PLCD1: variants seen among roughly 807,000 people sequenced by gnomAD.
PLCD1 encodes 1-phosphatidylinositol 4,5-bisphosphate phosphodiesterase delta-1.
A neutral mutation model predicts 87.4 loss-of-function variants in PLCD1; 71 were observed. The observed-to-expected ratio is 0.81, with a 90% CI of 0.67 to 0.99. The LOEUF (loss-of-function observed/expected upper bound fraction) is 0.99, where lower values mean the gene tolerates loss of function less well. PLCD1 is among the 50% of genes least tolerant of loss of function. The pLI is 0.00. For synonymous variants in PLCD1, 348 were observed against 399.2 expected (o/e 0.87, Z 1.53); for missense variants, 867 against 1,001.5 (o/e 0.87, Z 1.81).
At chr3:38,029,467 C>T (rs1286143371) in intron 1 of PLCD1, 39 bp downstream of exon 1, 1 of 1,530,220 alleles carries the variant, frequency 6.5e-7, no homozygotes, top group African/African-American at 1.4e-5. Flanking sequence ...AGGGGTCCAC[C>T]CCTGCAGGGT....
rs1050868 is a variant in PLCD1 at position 38,009,115 on chromosome 3, G to A, written c.1650C>T (p.Ile550=). 2 of 1,614,050 alleles carry A rather than the reference G, an allele frequency of 1.2e-6. No individual in the cohort carries two copies. The highest frequency in any genetic ancestry group is 1.7e-6 in the Non-Finnish European group (2 of 1,180,032). Residue 550 remains isoleucine, a synonymous_variant, in exon 11 of 15, where the codon ATC becomes ATT. Coordinates refer to ENST00000334661, the MANE Select transcript of PLCD1 (RefSeq NM_006225.4). ...AGTCTGTTCTCCATCCAGCCGGGTA[G>A]ATTCTGCTCAGGTGCCCCACGTTGT... ...VRHNVGHLSR[I]YPAGWRTDSS... is the part of the protein sequence containing the mutation.
Position 38,017,428 on chromosome 3 carries a change from C to T in PLCD1, c.200-709G>A, listed in dbSNP as rs1700174801. ...ACAGGAAGACTCTGCCTTCCCCAGT[C>T]CCAAGAGGCAAACTGGAGGGTCTCC... On this transcript the variant is annotated intron_variant, in intron 2 of 14. Coordinates refer to ENST00000334661, the MANE Select transcript of PLCD1 (RefSeq NM_006225.4). This position sits in a 1 kb window ranked among gnomAD's most constrained non-coding sequence, Gnocchi z 4.7. 6.6e-6 allele frequency among the ~76,000 whole-genome samples: 1 copy of T among 152,148 alleles called. No individual in the cohort carries two copies. Among genetic ancestry groups the T allele is most frequent in the Non-Finnish European group, 1.5e-5 (1 of 68,002 alleles).
chr3:38,014,151 T>C (rs1373084058), intron 3 of PLCD1, among the ~76,000 whole-genome samples: 3 of 152,208 alleles, frequency 2.0e-5, no homozygotes, highest in African/African-American at 7.2e-5. Context: ...ATGCTCCAAA[T>C]TGATCTATAC....
chr3:38,010,414 G>C lies in PLCD1; in HGVS notation c.939C>G (p.Thr313=), dbSNP rs1431946593. 2.5e-6 allele frequency: 4 copies of C among 1,614,114 alleles called. No homozygotes were observed. Among genetic ancestry groups the C allele is most frequent in the Non-Finnish European group, 2.5e-6 (3 of 1,180,050 alleles). ...CGGCTAGCTGGTCCTCCAGCAGGTA[G>C]GTGTTGTGTGAAGAGGACACCAGGT... ...SHYLVSSSHN[T]YLLEDQLAGP... Residue 313 remains threonine (T), a synonymous_variant, in exon 6 of 15, where the codon ACC becomes ACG. Coordinates refer to ENST00000334661, the MANE Select transcript of PLCD1 (RefSeq NM_006225.4).
chr3:38,029,354 G>GA, intron 1 of PLCD1, 152 bp downstream of exon 1: 1 of 741,606 alleles, frequency 1.3e-6, no homozygotes, highest in Non-Finnish European at 2.3e-6. Context: ...CGCGGGCTGA[G>GA]ATTTTCCCAG....
chr3:38,014,283 CAG>C (rs1485130485), intron 3 of PLCD1, among the ~76,000 whole-genome samples: 1 of 147,952 alleles, frequency 6.8e-6, no homozygotes, highest in East Asian at 2.0e-4. Context: ...AAAAAAAAAA[CAG>C]AAACAAATTT....
At chr3:38,026,745 T>C (rs1243635014) in intron 1 of PLCD1, among the ~76,000 whole-genome samples, 1 of 152,204 alleles carries the variant, frequency 6.6e-6, no homozygotes, top group Non-Finnish European at 1.5e-5. Context: ...CATCATCTCT[T>C]GGAGGACTGG....
chr3:38,009,847 A>G lies in PLCD1; in HGVS notation c.1288-36T>C, dbSNP rs1033440904. On this transcript the variant is annotated intron_variant, in intron 8 of 14. Coordinates refer to ENST00000334661, the MANE Select transcript of PLCD1 (RefSeq NM_006225.4). ...AGGGGCAACTGGTCAAGACACACCT[A>G]GCGCCCCGGCTAGGCTCCCCACCCT... 3.1e-6 allele frequency: 5 copies of G among 1,612,142 alleles called. No homozygotes were observed. The African/African-American group carries it at 6.7e-5, about 22-fold the overall frequency.
At chr3:38,015,067 A>G (rs1425895999) in intron 3 of PLCD1, among the ~76,000 whole-genome samples, 2 of 152,242 alleles carry the variant, frequency 1.3e-5, no homozygotes, top group South Asian at 2.1e-4. Flanking sequence ...AAGGTTAAAC[A>G]TAGTTACCAT....
At chr3:38,019,859 C>A (rs1373004412) in intron 2 of PLCD1, among the ~76,000 whole-genome samples, 1 of 152,212 alleles carries the variant, frequency 6.6e-6, no homozygotes, top group Non-Finnish European at 1.5e-5. Context: ...GCTTCTGAGC[C>A]TGGCTGTCCC....
Position 38,010,277 on chromosome 3 carries a change from T to G in PLCD1, c.993-2A>C. 2 of 1,614,178 alleles carry G rather than the reference T, an allele frequency of 1.2e-6. No individual in the cohort carries two copies. Among genetic ancestry groups the G allele is most frequent in the African/African-American group, 2.7e-5 (2 of 75,058 alleles). ...CATCGGCAGCCTTTGCACAGTGCCC[T>G]GCGGGGAGGGTGGTGGCTAGGACCC... On this transcript the variant is annotated splice_acceptor_variant, in intron 6 of 14. Coordinates refer to ENST00000334661, the MANE Select transcript of PLCD1 (RefSeq NM_006225.4). LOFTEE classifies it high-confidence loss of function.
intron 1 of PLCD1, among the ~76,000 whole-genome samples, chr3:38,021,587 A>G (rs1251857509): frequency 6.6e-6 from 1 of 152,198 alleles, no homozygotes; most frequent in Admixed American, 6.5e-5. Flanking sequence ...GGTGTAATAC[A>G]GAAACATCTA....
chr3:38,014,555 A>G (rs1282044997), intron 3 of PLCD1: 12 of 153,780 alleles, frequency 7.8e-5, no homozygotes. Flanking sequence ...TTGTGCTTCA[A>G]AGAATATCAA....
At chr3:38,009,233 T>C in intron 10 of PLCD1, 39 bp downstream of exon 10, 1 of 1,613,592 alleles carries the variant, frequency 6.2e-7, no homozygotes, top group Non-Finnish European at 8.5e-7. Flanking sequence ...CAATTCTCTC[T>C]GTAACAGAGC....
In PLCD1 at chr3:38,025,398, G is replaced by T. The variant is rs1007384310; in HGVS notation, c.34+4108C>A. ...GGGAGGTGGATGGCAGTCTAGCGGGGACCTGAGTGGGGCGAGATCAGGCGG... is the reference window on the plus strand; with the variant it reads ...GGGAGGTGGATGGCAGTCTAGCGGGTACCTGAGTGGGGCGAGATCAGGCGG... On this transcript the variant is annotated intron_variant, in intron 1 of 14. Coordinates refer to ENST00000334661, the MANE Select transcript of PLCD1 (RefSeq NM_006225.4). This position sits in a 1 kb window ranked among gnomAD's most constrained non-coding sequence, Gnocchi z 4.0. 6.6e-6 allele frequency among the ~76,000 whole-genome samples: 1 copy of T among 152,160 alleles called. No homozygotes were observed. Among genetic ancestry groups the T allele is most frequent in the African/African-American group, 2.4e-5 (1 of 41,438 alleles).
At position 38,009,774 on chromosome 3, in the gene PLCD1, A is replaced by C; in HGVS notation, c.1325T>G (p.Leu442Arg). ...CCCTCCAGGGGGCAGGAGCCCCCCGAGCTTCTTCCCCTTCAGCAGGATCTT... is the reference window on the plus strand; with the variant it reads ...CCCTCCAGGGGGCAGGAGCCCCCCGCGCTTCTTCCCCTTCAGCAGGATCTT... The part of the protein sequence containing the change: ...KGKILLKGKK[L>R]GGLLPPGGEG... Residue 442 changes from leucine (L) to arginine (R), a missense_variant, in exon 9 of 15, where the codon CTC becomes CGC. Coordinates refer to ENST00000334661, the MANE Select transcript of PLCD1 (RefSeq NM_006225.4). 6.2e-7 allele frequency: 1 copy of C among 1,613,970 alleles called. No homozygotes were observed.
intron 1 of PLCD1, chr3:38,024,313 C>A (rs751804402): frequency 3.7e-6 from 6 of 1,601,868 alleles, no homozygotes; most frequent in Non-Finnish European, 5.1e-6. Context: ...CCCCGCAGAT[C>A]TCGGAGTGCT....
At chr3:38,011,803 A>C in intron 3 of PLCD1, 130 bp from the exon 4 acceptor site, 2 of 829,648 alleles carry the variant, frequency 2.4e-6, no homozygotes, top group Non-Finnish European at 4.1e-6. Context: ...CTACACATCC[A>C]TGTTTCAGTG....
intron 5 of PLCD1, 116 bp from the exon 6 acceptor site, chr3:38,010,678 G>T: frequency 1.3e-6 from 1 of 765,234 alleles, no homozygotes; most frequent in South Asian, 1.7e-5. Flanking sequence ...TCCTGAGCCA[G>T]TCTTCCAGAG....
Sources: allele counts gnomAD v4.1 joint callset (sites outside exome capture counted in the v4.1 genomes callset), GRCh38; gene constraint gnomAD v4.1.1; non-coding constraint Gnocchi (gnomAD v3.1); transcripts MANE v1.5; gene names NCBI Gene and HGNC (gene_info 2026-07-23, HGNC 2026-07-21).